The following PKHD1L1 variants were observed in gnomAD, a reference collection of about 807,000 sequenced individuals.
PKHD1L1 encodes the protein fibrocystin-L.
Under a neutral mutation model 462.9 loss-of-function variants are expected in PKHD1L1, and 434 were observed. That is an observed-to-expected ratio of 0.94 (90% CI 0.87 to 1.02). PKHD1L1 has a LOEUF of 1.02. PKHD1L1 is among the 50% of genes least tolerant of loss of function. The pLI is 0.00. For synonymous variants in PKHD1L1, 1,781 were observed against 1,750.0 expected (o/e 1.02, Z -0.44); for missense variants, 5,202 against 5,096.1 (o/e 1.02, Z -0.63).
intron 62 of PKHD1L1, among the ~76,000 whole-genome samples, chr8:109,493,168 T>G (rs1818916449): frequency 6.7e-6 from 1 of 148,562 alleles, no homozygotes; most frequent in Non-Finnish European, 1.5e-5. Flanking sequence ...CCTGTCTCTC[T>G]CTCTCCATAT....
chr8:109,504,572 T>C (rs1819598746), intron 68 of PKHD1L1, 80 bp downstream of exon 68: 3 of 905,002 alleles, frequency 3.3e-6, no homozygotes, highest in Admixed American at 8.1e-5. Flanking sequence ...TCTGAGAAAG[T>C]TGGCATATTA....
intron 12 of PKHD1L1, among the ~76,000 whole-genome samples, chr8:109,399,559 G>T (rs1353747939): frequency 6.6e-6 from 1 of 152,070 alleles, no homozygotes; most frequent in African/African-American, 2.4e-5. Flanking sequence ...TAGAGTAGAA[G>T]TAATGTTTTT....
chr8:109,443,909 A>G lies in PKHD1L1; in HGVS notation c.4791+7A>G, dbSNP rs754427125. Reference sequence around the variant, plus strand: ...TCTCCCATGGGCTAATAAGGTAAGAATATAAATACCTCCTTTGTACTTCTA... The same window carrying G: ...TCTCCCATGGGCTAATAAGGTAAGAGTATAAATACCTCCTTTGTACTTCTA... On this transcript the variant is annotated splice_region_variant and intron_variant, in intron 37 of 77. Transcript: ENST00000378402. 6.3e-7 allele frequency: 1 copy of G among 1,576,006 alleles called. No individual in the cohort carries two copies. Among genetic ancestry groups the G allele is most frequent in the Non-Finnish European group, 8.7e-7 (1 of 1,148,354 alleles).
At chr8:109,447,485 C>T (rs139547770) in intron 38 of PKHD1L1, among the ~76,000 whole-genome samples, 70 of 152,198 alleles carry the variant, frequency 4.6e-4, no homozygotes, top group African/African-American at 1.6e-3. Flanking sequence ...ATGAAAAGTT[C>T]CACGTTTAAT....
chr8:109,369,797 C>T (rs183677275), intron 2 of PKHD1L1, among the ~76,000 whole-genome samples: 3 of 152,228 alleles, frequency 2.0e-5, no homozygotes, highest in Non-Finnish European at 2.9e-5. Context: ...ACTTGCTTTG[C>T]AGTGTTTTCA....
At chr8:109,462,765 C>CTCCTGACCT (rs1438583465) in intron 48 of PKHD1L1, among the ~76,000 whole-genome samples, 1 of 152,120 alleles carries the variant, frequency 6.6e-6, no homozygotes, top group African/African-American at 2.4e-5. Flanking sequence ...TGGTCTTGAT[C>CTCCTGACCT]TCCTGACCTT....
At chr8:109,413,680 TG>T in intron 21 of PKHD1L1, 135 bp downstream of exon 21, 1 of 538,992 alleles carries the variant, frequency 1.9e-6, no homozygotes, top group South Asian at 6.9e-5. Flanking sequence ...ACACAATGGA[TG>T]TAAATGGCAG....
chr8:109,370,998 A>G (rs2130337866), intron 2 of PKHD1L1, among the ~76,000 whole-genome samples: 1 of 152,324 alleles, frequency 6.6e-6, no homozygotes, highest in Middle Eastern at 3.4e-3. Flanking sequence ...TAGGAGCATG[A>G]TTTATAATCC....
intron 13 of PKHD1L1, 146 bp from the exon 14 acceptor site, chr8:109,401,351 A>G: frequency 8.6e-6 from 5 of 582,110 alleles, no homozygotes; most frequent in Non-Finnish European, 1.5e-5. Flanking sequence ...TAGATAACAG[A>G]TCTTAAAAGA....
intron 11 of PKHD1L1, among the ~76,000 whole-genome samples, chr8:109,397,320 TA>T (rs879361591): frequency 1.3e-5 from 2 of 152,166 alleles, no homozygotes; most frequent in Non-Finnish European, 2.9e-5. Context: ...GTGATTGGTT[TA>T]ATATACTGTT....
At position 109,534,052 on chromosome 8, in the gene PKHD1L1, A is replaced by G. The variant is rs923227347; in HGVS notation, c.*3962A>G. Among the ~76,000 whole-genome samples the G allele has an allele frequency of 6.6e-6, 1 of 152,212 alleles. No homozygotes were observed. Among genetic ancestry groups the G allele is most frequent in the Non-Finnish European group, 1.5e-5 (1 of 68,028 alleles). ...GATGTCTGAGATGGCAAAATTTGGA[A>G]GGATCAAGAGAACAGAGAGTTAATC... On this transcript the variant is annotated 3_prime_UTR_variant, in exon 78 of 78. Transcript: ENST00000378402.
In PKHD1L1 at chr8:109,486,765, CTT is replaced by C. The variant is rs1351088473; in HGVS notation, c.9827_9828del (p.Phe3276TrpfsTer11). 1.2e-6 allele frequency: 2 copies of C among 1,612,444 alleles called. No homozygotes were observed. Among genetic ancestry groups the C allele is most frequent in the Non-Finnish European group, 1.7e-6 (2 of 1,178,848 alleles). On this transcript the variant is annotated frameshift_variant, in exon 59 of 78. Coordinates refer to ENST00000378402, the MANE Select transcript of PKHD1L1 (RefSeq NM_177531.6). LOFTEE classifies it high-confidence loss of function. ...GATTACCCCGGTTGGTCTGAGGACTCTTTTGGAGCACGCGTACTGGTTGGCTC... is the reference window on the plus strand; with the variant it reads ...GATTACCCCGGTTGGTCTGAGGACTCTTGGAGCACGCGTACTGGTTGGCTC...
At chr8:109,365,746 C>G (rs1234028040) in intron 2 of PKHD1L1, among the ~76,000 whole-genome samples, 1 of 152,178 alleles carries the variant, frequency 6.6e-6, no homozygotes, top group Non-Finnish European at 1.5e-5. Context: ...GAGCCCAAGA[C>G]CGGTGGATCA....
intron 44 of PKHD1L1, 74 bp downstream of exon 44, chr8:109,454,320 T>G: frequency 2.0e-6 from 2 of 999,768 alleles, no homozygotes; most frequent in Non-Finnish European, 1.5e-6. Context: ...ATGTGTAAAA[T>G]GGATAGTTAA....
chr8:109,382,412 C>T, intron 3 of PKHD1L1, 51 bp from the exon 4 acceptor site: 1 of 1,477,292 alleles, frequency 6.8e-7, no homozygotes. Context: ...ATACTATACA[C>T]TAAATAAGAG....
intron 5 of PKHD1L1, 100 bp from the exon 6 acceptor site, chr8:109,385,437 G>A (rs966045487): frequency 4.1e-5 from 28 of 685,308 alleles, no homozygotes; most frequent in Non-Finnish European, 6.4e-5. Context: ...ATAAGTGTCT[G>A]GGTCCTGGTT....
intron 24 of PKHD1L1, among the ~76,000 whole-genome samples, chr8:109,425,834 C>T (rs1814718170): frequency 6.6e-6 from 1 of 152,028 alleles, no homozygotes; most frequent in Admixed American, 6.6e-5. Context: ...TAAAATGTGA[C>T]TAGTGCCACA....
rs1378945981 is a variant in PKHD1L1, at chr8:109,443,565, A to G, written c.4565-111A>G. 1.4e-5 allele frequency: 12 copies of G among 888,778 alleles called. No individual in the cohort carries two copies. The East Asian group carries it at 3.2e-4, about 24-fold the overall frequency. The allele number at this position is 888,778 out of a possible 1,614,324, so 55.1% of individuals were successfully genotyped here. On this transcript the variant is annotated intron_variant, in intron 36 of 77. Coordinates refer to ENST00000378402, the MANE Select transcript of PKHD1L1 (RefSeq NM_177531.6). ...TTTGTCATTTTGTTTTTCAAAAAAG[A>G]TTTACCAGAATTTAAACCATCATCA...
chr8:109,520,876 G>A (rs1023347321), intron 73 of PKHD1L1, among the ~76,000 whole-genome samples: 2 of 152,134 alleles, frequency 1.3e-5, no homozygotes, highest in Non-Finnish European at 2.9e-5. Context: ...CGAACGGTCA[G>A]CGAGAACCTG....
Sources: gnomAD v4.1 joint callset for allele counts (sites outside exome capture counted in the v4.1 genomes callset) on GRCh38, gnomAD v4.1.1 for gene constraint, MANE v1.5 for transcripts, NCBI Gene and HGNC (gene_info 2026-07-23, HGNC 2026-07-21) for gene names.